SCNN1A: variants seen among roughly 807,000 people sequenced by gnomAD.
SCNN1A encodes the protein sodium channel epithelial 1 subunit alpha.
A neutral mutation model predicts 68.6 loss-of-function variants in SCNN1A; 65 were observed. The ratio of observed to expected loss-of-function variants is 0.95; its 90% CI spans 0.78 to 1.16. The LOEUF is 1.16. Among genes scored for constraint, SCNN1A ranks in the 50% most tolerant of loss-of-function variants. SCNN1A has a pLI of 0.00. For synonymous variants in SCNN1A, 357 were observed against 353.3 expected (o/e 1.01, Z -0.12); for missense variants, 880 against 865.9 (o/e 1.02, Z -0.20).
chr12:6,350,541 A>T lies in SCNN1A; in HGVS notation c.1361-1136T>A, dbSNP rs1948366528. On this transcript the variant is annotated intron_variant, in intron 8 of 12. Coordinates refer to ENST00000228916, the MANE Select transcript of SCNN1A (RefSeq NM_001038.6). ...ACACCCATTAAGATGTGTGTTATTT[A>T]AAAAAAGACAATAGGCTGGGTGCGG... is the stretch of plus-strand genomic sequence containing the variant. Among the ~76,000 whole-genome samples, 3 of 151,690 alleles carry T rather than the reference A, an allele frequency of 2.0e-5. No homozygotes were observed. The South Asian group carries it at 6.2e-4, about 32-fold the overall frequency.
At chr12:6,356,437 GGAATGAAT>G (rs148812103) in intron 4 of SCNN1A, 2,081 of 169,376 alleles carry the variant, frequency 0.012, 48 homozygotes, top group African/African-American at 0.045. Context: ...TGTTGAGTGA[GGAATGAAT>G]GAATGAATGA....
upstream of SCNN1A, chr12:6,376,093 T>A: frequency 1.0e-6 from 1 of 988,674 alleles, no homozygotes; most frequent in Non-Finnish European, 1.2e-6. Flanking sequence ...TGGGCAGCCC[T>A]CCAAGGGCAC....
intron 8 of SCNN1A, 79 bp from the exon 9 acceptor site, chr12:6,349,484 C>G (rs902624709): frequency 1.1e-6 from 1 of 944,068 alleles, no homozygotes; most frequent in Non-Finnish European, 1.7e-6. Context: ...CTCCCAAGAT[C>G]CCTGGGTACC....
intron 2 of SCNN1A, among the ~76,000 whole-genome samples, chr12:6,365,594 G>C (rs1224947025): frequency 1.3e-5 from 2 of 152,188 alleles, no homozygotes; most frequent in Non-Finnish European, 2.9e-5. Flanking sequence ...ATTCAATTCA[G>C]TGTAGAAAAT....
At chr12:6,353,804 T>A (rs1310138501) in intron 8 of SCNN1A, 1 of 138,842 alleles carries the variant, frequency 7.2e-6, no homozygotes, top group Non-Finnish European at 1.5e-5. Context: ...TTAGCCAGGA[T>A]GGTCTCCATC....
chr12:6,354,782 C>T lies in SCNN1A; in HGVS notation c.1210G>A (p.Glu404Lys). ...GTGTACTTTGAAGGGTAAAGGTTCTCAACAGGAACATCACTGCCATTCTTG... is the reference window on the plus strand; with the variant it reads ...GTGTACTTTGAAGGGTAAAGGTTCTTAACAGGAACATCACTGCCATTCTTG... Reference protein sequence around the residue: ...CTKNGSDVPVENLYPSKYTQQ... With the variant: ...CTKNGSDVPVKNLYPSKYTQQ... Residue 404 changes from glutamate (E) to lysine (K), a missense_variant, in exon 7 of 13, where the codon GAG becomes AAG. Glu to Lys is a moderately conservative substitution (Grantham distance 56). This residue lies in a region of SCNN1A where 758 missense variants were observed against 721.8 expected (regional missense o/e 1.05). Coordinates refer to ENST00000228916, the MANE Select transcript of SCNN1A (RefSeq NM_001038.6). The T allele has an allele frequency of 6.2e-7, 1 of 1,614,010 alleles. No homozygotes were observed. Among genetic ancestry groups the T allele is most frequent in the Non-Finnish European group, 8.5e-7 (1 of 1,179,988 alleles).
chr12:6,377,049 C>T, upstream of SCNN1A: 1 of 532,748 alleles, frequency 1.9e-6, no homozygotes, highest in Non-Finnish European at 3.3e-6. Flanking sequence ...CTGCAGGAGA[C>T]TCAGGAAGCC....
Position 6,355,810 on chromosome 12 carries a change from GGTTGGA to G in SCNN1A, c.940_945del (p.Ser314_Asn315del). ...ATTCCAGGCATGGAAGACATCCAGAGGTTGGAGTTGTTCTTGTCATTGAAAGTATAG... is the reference window on the plus strand; with the variant it reads ...ATTCCAGGCATGGAAGACATCCAGAGGTTGTTCTTGTCATTGAAAGTATAG... On this transcript the variant is annotated inframe_deletion, in exon 5 of 13. Transcript: ENST00000228916. 6.2e-7 allele frequency: 1 copy of G among 1,613,590 alleles called. No homozygotes were observed.
At chr12:6,361,758 C>CA (rs1022820155) in intron 4 of SCNN1A, among the ~76,000 whole-genome samples, 1 of 151,780 alleles carries the variant, frequency 6.6e-6, no homozygotes, top group South Asian at 2.1e-4. Flanking sequence ...AAAAGAAAAA[C>CA]AAAAAAGACC....
In SCNN1A at chr12:6,375,539, C is replaced by A; in HGVS notation, c.-89G>T. On this transcript the variant is annotated 5_prime_UTR_variant, in exon 1 of 13. Transcript: ENST00000228916. ...GCAGCGGCCTGGCTGGGGAGCCCGCCCGCTGGCCGGCCAGGGATGGAAGCG... is the reference window on the plus strand; with the variant it reads ...GCAGCGGCCTGGCTGGGGAGCCCGCACGCTGGCCGGCCAGGGATGGAAGCG... 1 of 1,535,312 alleles carries A rather than the reference C, an allele frequency of 6.5e-7. No homozygotes were observed. The highest frequency in any genetic ancestry group is 1.2e-5 in the South Asian group (1 of 84,044).
Position 6,350,199 on chromosome 12 carries a change from G to A in SCNN1A, c.1361-794C>T, listed in dbSNP as rs1332603103. Among the ~76,000 whole-genome samples the A allele has an allele frequency of 6.0e-5, 9 of 150,700 alleles. No individual in the cohort carries two copies. The South Asian group carries it at 8.3e-4, about 14-fold the overall frequency. The stretch of plus-strand genomic sequence containing the variant: ...TGTAATCCCAGCACTTTGGGAGGCC[G>A]AGGCGGGTGGATCACGAGGTCAAGA... On this transcript the variant is annotated intron_variant, in intron 8 of 12. Transcript: ENST00000228916.
intron 3 of SCNN1A, 84 bp from the exon 4 acceptor site, chr12:6,362,325 TG>T: frequency 8.1e-7 from 1 of 1,241,788 alleles, no homozygotes; most frequent in South Asian, 1.2e-5. Flanking sequence ...ATGAGTGATC[TG>T]GGGTTCTGAG....
chr12:6,363,377 C>A (rs1948614217), intron 3 of SCNN1A, 66 bp downstream of exon 3: 1 of 1,406,544 alleles, frequency 7.1e-7, no homozygotes, highest in African/African-American at 1.5e-5. Context: ...GGAGCGGAGC[C>A]CATGGGTGGG....
rs1369791519 is a variant in SCNN1A, at chr12:6,349,326, C to G, written c.1439+1G>C. On this transcript the variant is annotated splice_donor_variant, in intron 9 of 12. Transcript: ENST00000228916. LOFTEE classifies it high-confidence loss of function. ...CTGTACCCGGGGAAGGGGACACTAA[C>G]CTGCATGGCTTCCGGCACTTGGTGA... The G allele has an allele frequency of 6.2e-7, 1 of 1,613,742 alleles. No homozygotes were observed. The highest frequency in any genetic ancestry group is 2.2e-5 in the East Asian group (1 of 44,868).
chr12:6,371,492 T>G (rs1160883571), intron 2 of SCNN1A, among the ~76,000 whole-genome samples: 1 of 138,346 alleles, frequency 7.2e-6, no homozygotes, highest in Non-Finnish European at 1.6e-5. Context: ...GCTGCTAACC[T>G]GAGATGCCCT....
In SCNN1A at chr12:6,349,408, G is replaced by C. The variant is rs372956932; in HGVS notation, c.1361-3C>G. On this transcript the variant is annotated splice_region_variant and splice_polypyrimidine_tract_variant and intron_variant, in intron 8 of 12. Transcript: ENST00000228916. ...CTGGAGCTTATAGTAGCAGTACCCT[G>C]TGGGTACAGAGAGATGCCTGTTCTC... 17 of 1,577,846 alleles carry C rather than the reference G, an allele frequency of 1.1e-5. No individual in the cohort carries two copies. Among genetic ancestry groups the C allele is most frequent in the Non-Finnish European group, 1.5e-5 (17 of 1,160,392 alleles).
At chr12:6,348,609 C>A in intron 12 of SCNN1A, 118 bp downstream of exon 12, 2 of 976,670 alleles carry the variant, frequency 2.0e-6, no homozygotes, top group East Asian at 2.4e-5. Context: ...CTTTGGTCCC[C>A]TGCCTTTGAG....
chr12:6,371,118 C>T (rs1424633140), intron 2 of SCNN1A, among the ~76,000 whole-genome samples: 1 of 152,112 alleles, frequency 6.6e-6, no homozygotes, highest in Non-Finnish European at 1.5e-5. Context: ...CCTGCATGTC[C>T]ACTTTCCTCC....
At chr12:6,376,098 G>C, upstream of SCNN1A, 1 of 988,906 alleles carries the variant, frequency 1.0e-6, no homozygotes, top group Non-Finnish European at 1.2e-6. Flanking sequence ...AGCCCTCCAA[G>C]GGCACCCACA....
Sources: gnomAD v4.1 joint callset for allele counts (sites outside exome capture counted in the v4.1 genomes callset) on GRCh38, gnomAD v4.1.1 for gene constraint, gnomAD v4.1.1 regional missense constraint, MANE v1.5 for transcripts, NCBI Gene and HGNC (gene_info 2026-07-23, HGNC 2026-07-21) for gene names.